Variants in AP2S1 observed in about 807,000 individuals in gnomAD.
AP2S1 encodes the protein AP-2 complex subunit sigma.
A neutral mutation model predicts 21.0 loss-of-function variants in AP2S1; 6 were observed. That is an observed-to-expected ratio of 0.29 (90% confidence interval 0.16 to 0.56). AP2S1 has a LOEUF of 0.56. Among genes scored for constraint, AP2S1 ranks in the 20% least tolerant of loss-of-function variants. The pLI is 0.92. For synonymous variants in AP2S1, 63 were observed against 74.6 expected, an observed-to-expected ratio of 0.84 and a Z score of 0.80; for missense variants, 60 against 186.2, an observed-to-expected ratio of 0.32 and a Z score of 3.95.
intron 1 of AP2S1, among the ~76,000 whole-genome samples, chr19:46,847,235 CTT>C (rs755228711): frequency 2.1e-4 from 30 of 141,712 alleles, no homozygotes; most frequent in South Asian, 4.5e-4. Flanking sequence ...AAAATCACCA[CTT>C]TTTTTTTTTT....
intron 2 of AP2S1, 51 bp downstream of exon 2, chr19:46,845,942 A>C (rs550643384): frequency 2.5e-6 from 4 of 1,609,800 alleles, no homozygotes; most frequent in Non-Finnish European, 3.4e-6. Flanking sequence ...GGAGTGGCGA[A>C]GTAGGGCACG....
chr19:46,845,903 A>G (rs936324815), intron 2 of AP2S1, 90 bp downstream of exon 2: 3 of 1,558,058 alleles, frequency 1.9e-6, no homozygotes, highest in Middle Eastern at 1.7e-4. Context: ...AGAGGGTCCA[A>G]GGGGTTCTTG....
Position 46,847,570 on chromosome 19 carries a change from C to T in AP2S1, c.4-1428G>A, listed in dbSNP as rs1259320025. On this transcript the variant is annotated intron_variant, in intron 1 of 4. Coordinates refer to ENST00000263270, the MANE Select transcript of AP2S1 (RefSeq NM_004069.6). ...ATACCAGAACATTTTCATCATCTCC[C>T]CCCAAAAAACTCCCCACCCATTAGC... 2.0e-5 allele frequency among the ~76,000 whole-genome samples: 3 copies of T among 152,132 alleles called. No homozygotes were observed. In the South Asian group the frequency reaches 6.2e-4, roughly 32 times the overall value.
chr19:46,847,869 T>C (rs1356335630), intron 1 of AP2S1, among the ~76,000 whole-genome samples: 1 of 152,178 alleles, frequency 6.6e-6, no homozygotes, highest in Non-Finnish European at 1.5e-5. Flanking sequence ...CTATTATGAA[T>C]AATACTGCTA....
intron 2 of AP2S1, among the ~76,000 whole-genome samples, chr19:46,840,249 C>T (rs1223163873): frequency 1.3e-5 from 2 of 151,018 alleles, no homozygotes; most frequent in South Asian, 2.1e-4. Context: ...TCATTTTATG[C>T]GCGTGTTAAG....
At chr19:46,847,355 C>T (rs1568449460) in intron 1 of AP2S1, among the ~76,000 whole-genome samples, 2 of 151,270 alleles carry the variant, frequency 1.3e-5, no homozygotes, top group Non-Finnish European at 1.5e-5. Context: ...TAGCTGGGAC[C>T]GCAGGTGCAC....
chr19:46,844,196 C>T (rs2055578624), intron 2 of AP2S1, among the ~76,000 whole-genome samples: 2 of 152,176 alleles, frequency 1.3e-5, no homozygotes, highest in South Asian at 4.1e-4. Context: ...AGCCACCGCG[C>T]CCGGCCGGCA....
chr19:46,841,239 C>T (rs2055515942), intron 2 of AP2S1, among the ~76,000 whole-genome samples: 1 of 152,150 alleles, frequency 6.6e-6, no homozygotes, highest in African/African-American at 2.4e-5. Context: ...CAGGCGTGAG[C>T]CCAGCCTGAG....
rs376074817 is a variant in AP2S1, at chr19:46,846,050, G to A, written c.96C>T (p.Ile32=). ...QFDDDEKQKL[I]EEVHAVVTVR... Reference sequence around the variant, plus strand: ...CGGTGACCACGGCATGCACCTCCTCGATCAGCTTCTGTTTCTCATCATCAT... The same window carrying A: ...CGGTGACCACGGCATGCACCTCCTCAATCAGCTTCTGTTTCTCATCATCAT... The change falls in exon 2 of 5, where the codon ATC becomes ATT. Residue 32 remains isoleucine, a synonymous_variant. Coordinates refer to ENST00000263270, the MANE Select transcript of AP2S1 (RefSeq NM_004069.6). 27 of 1,613,978 alleles carry A rather than the reference G, an allele frequency of 1.7e-5. No individual in the cohort carries two copies. The highest frequency in any genetic ancestry group is 1.9e-5 in the Non-Finnish European group (22 of 1,180,030).
At chr19:46,847,637 C>A (rs928237163) in intron 1 of AP2S1, among the ~76,000 whole-genome samples, 4 of 152,164 alleles carry the variant, frequency 2.6e-5, no homozygotes, top group African/African-American at 9.7e-5. Context: ...CCACGAGTCT[C>A]CTTTCTGTCT....
intron 2 of AP2S1, among the ~76,000 whole-genome samples, chr19:46,845,205 G>A (rs1244423282): frequency 2.0e-5 from 3 of 150,856 alleles, no homozygotes; most frequent in East Asian, 2.0e-4. Flanking sequence ...TCAGGAGTTC[G>A]AGACCAGCCT....
intron 2 of AP2S1, among the ~76,000 whole-genome samples, chr19:46,841,902 T>G (rs547269509): frequency 6.6e-6 from 1 of 152,280 alleles, no homozygotes; most frequent in East Asian, 1.9e-4. Context: ...AGACAGAGAT[T>G]GGACGACGGC....
At chr19:46,840,579 G>T (rs1228540586) in intron 2 of AP2S1, among the ~76,000 whole-genome samples, 4 of 151,844 alleles carry the variant, frequency 2.6e-5, no homozygotes, top group African/African-American at 9.7e-5. Context: ...GGTCAAAGCT[G>T]CTGTGAGCCA....
At chr19:46,839,694 T>C in intron 2 of AP2S1, 116 bp from the exon 3 acceptor site, 2 of 1,503,960 alleles carry the variant, frequency 1.3e-6, no homozygotes, top group Non-Finnish European at 1.8e-6. Context: ...CCCAGCTCTG[T>C]GCCTGGCCCT....
intron 1 of AP2S1, among the ~76,000 whole-genome samples, chr19:46,849,877 G>A (rs1339923416): frequency 6.6e-6 from 1 of 151,786 alleles, no homozygotes; most frequent in East Asian, 1.9e-4. Context: ...CCTGTTCCTG[G>A]AGGAGACTCC....
intron 2 of AP2S1, among the ~76,000 whole-genome samples, chr19:46,841,293 C>T (rs932604537): frequency 6.6e-6 from 1 of 152,164 alleles, no homozygotes; most frequent in Admixed American, 6.5e-5. Flanking sequence ...ATGTAATCCA[C>T]GGGTAAATGA....
At chr19:46,841,370 G>A (rs764343876) in intron 2 of AP2S1, among the ~76,000 whole-genome samples, 7 of 152,042 alleles carry the variant, frequency 4.6e-5, no homozygotes, top group Non-Finnish European at 7.4e-5. Context: ...ACCCTCCTCC[G>A]CCTCCAGCTA....
chr19:46,850,195 TG>T (rs1477673025), intron 1 of AP2S1: 1 of 1,232,568 alleles, frequency 8.1e-7, no homozygotes, highest in Non-Finnish European at 1.0e-6. Flanking sequence ...TCCCTACAGT[TG>T]CCTCCTTTTG....
At chr19:46,850,662 C>A in intron 1 of AP2S1, 102 bp downstream of exon 1, 1 of 1,115,308 alleles carries the variant, frequency 9.0e-7, no homozygotes, top group South Asian at 1.3e-5. Context: ...TGACCCAGAC[C>A]ATCCGCGGCA....
Sources: gnomAD v4.1 joint callset for allele counts (sites outside exome capture counted in the v4.1 genomes callset) on GRCh38, gnomAD v4.1.1 for gene constraint, MANE v1.5 for transcripts, NCBI Gene and HGNC (gene_info 2026-07-23, HGNC 2026-07-21) for gene names.